The following KAT6B variants were observed in gnomAD, a reference collection of about 807,000 sequenced individuals.
KAT6B encodes lysine acetyltransferase 6B, also known as histone acetyltransferase KAT6B.
In KAT6B, 10 loss-of-function variants were observed where a neutral mutation model predicts 187.5. That is an observed-to-expected ratio of 0.05 (90% CI 0.03 to 0.09). The LOEUF (loss-of-function observed/expected upper bound fraction) is 0.09. Among genes scored for constraint, KAT6B ranks in the 10% least tolerant of loss-of-function variants. KAT6B has a pLI of 1.00. For synonymous variants in KAT6B, 861 were observed against 926.8 expected (o/e 0.93, Z 1.29); for missense variants, 1,952 against 2,558.9 (o/e 0.76, Z 5.12).
intron 3 of KAT6B, among the ~76,000 whole-genome samples, chr10:74,916,123 C>G (rs902274142): frequency 1.4e-4 from 21 of 152,238 alleles, no homozygotes; most frequent in African/African-American, 4.8e-4. Context: ...GATTGTGACA[C>G]TGCACTCCAG....
chr10:74,886,741 C>G (rs148940623), intron 3 of KAT6B, among the ~76,000 whole-genome samples: 1 of 152,148 alleles, frequency 6.6e-6, no homozygotes, highest in African/African-American at 2.4e-5. Context: ...ATTCATGTAT[C>G]GCAGAGAGGG....
At chr10:74,914,444 T>C (rs978582125) in intron 3 of KAT6B, among the ~76,000 whole-genome samples, 3 of 152,226 alleles carry the variant, frequency 2.0e-5, no homozygotes, top group Non-Finnish European at 4.4e-5. Context: ...CAATATTAGA[T>C]GCTTATAACT....
intron 3 of KAT6B, among the ~76,000 whole-genome samples, chr10:74,940,483 T>TCCGCCTGGTCTTGAACTCTTGACCTCGTG (rs1353025108): frequency 1.3e-5 from 2 of 151,750 alleles, no homozygotes; most frequent in Non-Finnish European, 2.9e-5. Flanking sequence ...ACCATGTTGG[T>TCCGCCTGGTCTTGAACTCTTGACCTCGTG]CCGCCTGGTC....
At chr10:74,960,600 T>C (rs1841032460) in intron 4 of KAT6B, among the ~76,000 whole-genome samples, 1 of 151,842 alleles carries the variant, frequency 6.6e-6, no homozygotes, top group African/African-American at 2.4e-5. Context: ...CCATAGCTAA[T>C]TCTTGTTTGG....
chr10:75,010,979 C>T (rs913214284), intron 13 of KAT6B, among the ~76,000 whole-genome samples: 1 of 152,144 alleles, frequency 6.6e-6, no homozygotes, highest in Non-Finnish European at 1.5e-5. Flanking sequence ...TATATGTGTT[C>T]GATTAAGTTT....
chr10:74,889,216 A>G (rs957794366), intron 3 of KAT6B, among the ~76,000 whole-genome samples: 3 of 152,224 alleles, frequency 2.0e-5, no homozygotes, highest in African/African-American at 4.8e-5. Context: ...GTGAAATTAT[A>G]TTCCATTATT....
intron 3 of KAT6B, among the ~76,000 whole-genome samples, chr10:74,870,419 G>C (rs759683606): frequency 2.0e-5 from 3 of 152,004 alleles, no homozygotes; most frequent in Non-Finnish European, 4.4e-5. Context: ...TTCTTAACTT[G>C]GGCTGTTCCA....
At chr10:75,027,899 A>G (rs926086985) in intron 17 of KAT6B, among the ~76,000 whole-genome samples, 5 of 152,198 alleles carry the variant, frequency 3.3e-5, no homozygotes, top group African/African-American at 1.2e-4. Context: ...ATGATTACAA[A>G]TGCATTTGTT....
At position 74,969,794 on chromosome 10, in the gene KAT6B, A is replaced by G; in HGVS notation, c.846+19A>G. 2 of 1,522,378 alleles carry G rather than the reference A, an allele frequency of 1.3e-6. No individual in the cohort carries two copies. The highest frequency in any genetic ancestry group is 2.2e-5 in the East Asian group (1 of 44,468). 94.3% of individuals were successfully genotyped at this position (1,522,378 alleles called of 1,614,324 possible). On this transcript the variant is annotated intron_variant, in intron 5 of 17. Transcript: ENST00000287239. ...AAATGCTGTAAGTATGGCTCCCGTA[A>G]TCCGCCTCCAGGTAACTCGCTAATT... is the stretch of plus-strand genomic sequence containing the variant.
At chr10:74,865,076 C>G (rs1247324481) in intron 3 of KAT6B, among the ~76,000 whole-genome samples, 1 of 152,166 alleles carries the variant, frequency 6.6e-6, no homozygotes, top group Admixed American at 6.5e-5. Flanking sequence ...CTTACCTTAT[C>G]TGTAAAATGG....
intron 3 of KAT6B, among the ~76,000 whole-genome samples, chr10:74,953,571 T>G (rs542882960): frequency 1.3e-5 from 2 of 152,316 alleles, no homozygotes; most frequent in Admixed American, 1.3e-4. Flanking sequence ...CTGAACTGTT[T>G]TGTTTTTAAC....
chr10:74,981,167 C>T (rs1305070039), intron 10 of KAT6B, among the ~76,000 whole-genome samples: 2 of 151,994 alleles, frequency 1.3e-5, no homozygotes, highest in Non-Finnish European at 1.5e-5. Flanking sequence ...GTAAAGCTTT[C>T]TTTATATAGG....
chr10:74,854,577 G>A (rs1842697198), intron 3 of KAT6B, among the ~76,000 whole-genome samples: 1 of 151,882 alleles, frequency 6.6e-6, no homozygotes, highest in East Asian at 1.9e-4. Context: ...GCTGGTCTCT[G>A]CAAAGATACA....
At chr10:74,848,673 C>T (rs1379038079) in intron 3 of KAT6B, among the ~76,000 whole-genome samples, 1 of 152,016 alleles carries the variant, frequency 6.6e-6, no homozygotes, top group Non-Finnish European at 1.5e-5. Flanking sequence ...TCCTGGTCTA[C>T]ATCTTTTGTC....
At chr10:75,005,001 C>A (rs533193691) in intron 13 of KAT6B, among the ~76,000 whole-genome samples, 13 of 152,072 alleles carry the variant, frequency 8.5e-5, no homozygotes, top group Non-Finnish European at 1.5e-4. Context: ...AGGTGTGAGC[C>A]ACTATGCCCT....
intron 3 of KAT6B, among the ~76,000 whole-genome samples, chr10:74,956,862 G>A (rs1840726587): frequency 1.3e-5 from 2 of 152,202 alleles, no homozygotes. Context: ...ACTTATTCAT[G>A]AGCCTTCCTT....
At chr10:74,992,324 TG>T (rs969282997) in intron 13 of KAT6B, among the ~76,000 whole-genome samples, 5 of 152,128 alleles carry the variant, frequency 3.3e-5, no homozygotes, top group African/African-American at 9.7e-5. Context: ...AGACTTACAG[TG>T]GGGCTGTGGG....
chr10:74,836,890 G>A (rs1054733145), intron 1 of KAT6B, among the ~76,000 whole-genome samples: 3 of 152,186 alleles, frequency 2.0e-5, no homozygotes, highest in African/African-American at 7.2e-5. Flanking sequence ...GAAAAAGCCA[G>A]GACTTATGAA....
In KAT6B at chr10:74,857,018, A is replaced by G. The variant is rs1173415251; in HGVS notation, c.621+13540A>G. On this transcript the variant is annotated intron_variant, in intron 3 of 17. Transcript: ENST00000287239. ...CATTACTGGTGGTGCTTAGTTTATCAGTTGGTTAAGGTGGCATCTGCTAGA... is the reference window on the plus strand; with the variant it reads ...CATTACTGGTGGTGCTTAGTTTATCGGTTGGTTAAGGTGGCATCTGCTAGA... 2.0e-5 allele frequency among the ~76,000 whole-genome samples: 3 copies of G among 152,202 alleles called. No homozygotes were observed. In the East Asian group the frequency reaches 5.8e-4, roughly 29 times the overall value.
Sources: allele counts gnomAD v4.1 joint callset (sites outside exome capture counted in the v4.1 genomes callset), GRCh38; gene constraint gnomAD v4.1.1; transcripts MANE v1.5; gene names NCBI Gene and HGNC (gene_info 2026-07-23, HGNC 2026-07-21).